Variants in IGSF11 observed in about 807,000 individuals in gnomAD.
IGSF11 encodes the protein CXADR like 1.
In IGSF11, 22 loss-of-function variants were observed where a neutral mutation model predicts 41.0. The ratio of observed to expected loss-of-function variants is 0.54; its 90% CI spans 0.38 to 0.77. IGSF11 has a LOEUF of 0.77. Among genes scored for constraint, IGSF11 ranks in the 30% least tolerant of loss-of-function variants. The pLI is 0.00. For missense variants in IGSF11, 444 were observed against 530.8 expected (o/e 0.84, Z 1.61); for synonymous variants, 219 against 201.3 (o/e 1.09, Z -0.74).
At chr3:118,913,163 C>T (rs551626827) in intron 4 of IGSF11, among the ~76,000 whole-genome samples, 6 of 149,572 alleles carry the variant, frequency 4.0e-5, no homozygotes, top group African/African-American at 9.8e-5. Context: ...AAGACATTTA[C>T]GGATAAGCAA....
At chr3:118,955,267 C>T (rs1391295996) in intron 1 of IGSF11, among the ~76,000 whole-genome samples, 1 of 151,086 alleles carries the variant, frequency 6.6e-6, no homozygotes, top group Admixed American at 6.6e-5. Context: ...CACACACACA[C>T]CATGGAATAC....
intron 1 of IGSF11, among the ~76,000 whole-genome samples, chr3:119,087,375 C>T (rs1289683435): frequency 2.1e-5 from 1 of 48,110 alleles, no homozygotes; most frequent in East Asian, 5.7e-4. Flanking sequence ...AAATGTTATA[C>T]ACACACACAC....
chr3:118,969,567 G>C (rs577208947), intron 1 of IGSF11, among the ~76,000 whole-genome samples: 29 of 152,270 alleles, frequency 1.9e-4, no homozygotes, highest in African/African-American at 6.3e-4. Context: ...CAAGATTAGA[G>C]AGGCTTCACT....
intron 1 of IGSF11, among the ~76,000 whole-genome samples, chr3:119,138,845 G>A (rs878982146): frequency 6.6e-6 from 1 of 152,214 alleles, no homozygotes. Flanking sequence ...GAGCTAGAGA[G>A]TAGAAGGATG....
upstream of IGSF11, among the ~76,000 whole-genome samples, chr3:119,038,787 G>A (rs891215580): frequency 8.5e-5 from 13 of 152,078 alleles, no homozygotes; most frequent in Admixed American, 8.5e-4. Context: ...TTATATTGGG[G>A]TATAGGAAGT....
At chr3:119,064,510 T>C (rs1942158230) in intron 1 of IGSF11, among the ~76,000 whole-genome samples, 1 of 129,308 alleles carries the variant, frequency 7.7e-6, no homozygotes. Context: ...CCTTGGCTGC[T>C]CTTTTTTTTT....
chr3:118,952,089 T>C (rs2107583709), intron 1 of IGSF11, among the ~76,000 whole-genome samples: 1 of 152,304 alleles, frequency 6.6e-6, no homozygotes, highest in East Asian at 1.9e-4. Context: ...CACTATACTG[T>C]AGTCTATTAA....
At position 118,996,568 on chromosome 3, in the gene IGSF11, C is replaced by T. The variant is rs546866555; in HGVS notation, c.52+37963G>A. 4.3e-4 allele frequency among the ~76,000 whole-genome samples: 66 copies of T among 152,118 alleles called. 1 individual carries two copies. Among genetic ancestry groups the T allele is most frequent in the African/African-American group, 1.1e-3 (46 of 41,524 alleles). On this transcript the variant is annotated intron_variant, in intron 1 of 6. Transcript: ENST00000393775. ...AACCCTTCCGTGGATTCCCATTGCA[C>T]TTTAAAGACAAAGAACATGTCTTGT...
At chr3:118,946,584 T>C (rs139701572) in intron 1 of IGSF11, among the ~76,000 whole-genome samples, 23 of 152,316 alleles carry the variant, frequency 1.5e-4, no homozygotes, top group Non-Finnish European at 2.9e-4. Context: ...ATAGTAGTCA[T>C]GTTATAGGAT....
chr3:118,925,206 C>T (rs910363164), intron 4 of IGSF11, among the ~76,000 whole-genome samples: 8 of 152,160 alleles, frequency 5.3e-5, no homozygotes, highest in South Asian at 2.1e-4. Context: ...AGGCTTGTGG[C>T]GCTGGCTCTT....
intron 1 of IGSF11, among the ~76,000 whole-genome samples, chr3:119,113,629 G>A (rs1220936896): frequency 6.6e-6 from 1 of 152,202 alleles, no homozygotes; most frequent in Admixed American, 6.5e-5. Flanking sequence ...AGGCTAGGGT[G>A]GAGTGCCTGC....
At chr3:119,084,585 G>A (rs1166275993) in intron 1 of IGSF11, among the ~76,000 whole-genome samples, 8 of 152,146 alleles carry the variant, frequency 5.3e-5, no homozygotes, top group African/African-American at 1.7e-4. Context: ...CTAATCACCA[G>A]GAAGAAAGCA....
chr3:119,046,458 G>T (rs911083071), intron 1 of IGSF11, among the ~76,000 whole-genome samples: 1 of 152,090 alleles, frequency 6.6e-6, no homozygotes, highest in Non-Finnish European at 1.5e-5. Flanking sequence ...AGAATAAAAA[G>T]AAATGAGCAA....
At chr3:119,050,150 G>T (rs1020608795) in intron 1 of IGSF11, among the ~76,000 whole-genome samples, 1 of 150,486 alleles carries the variant, frequency 6.6e-6, no homozygotes, top group African/African-American at 2.4e-5. Flanking sequence ...TTGACAAATG[G>T]GACCTAATTA....
intron 1 of IGSF11, among the ~76,000 whole-genome samples, chr3:119,102,878 G>C (rs2076959627): frequency 6.6e-6 from 1 of 151,758 alleles, no homozygotes; most frequent in Non-Finnish European, 1.5e-5. Context: ...AAGTCCCTCT[G>C]TGGTCTTAGT....
intron 1 of IGSF11, among the ~76,000 whole-genome samples, chr3:118,944,457 T>TACACACACACACACACACAC (rs3079206): frequency 1.4e-4 from 17 of 125,812 alleles, no homozygotes; most frequent in African/African-American, 4.9e-4. Flanking sequence ...TAGCTTGAAA[T>TACACACACACACACACACAC]ACACACACAC....
chr3:118,930,429 G>A (rs1217979546), intron 1 of IGSF11, among the ~76,000 whole-genome samples, 154 bp from the exon 2 acceptor site: 1 of 152,184 alleles, frequency 6.6e-6, no homozygotes, highest in African/African-American at 2.4e-5. Context: ...CAGTCACTGA[G>A]TCAAAATAAT....
At chr3:119,109,346 A>T (rs1034313723), upstream of IGSF11, among the ~76,000 whole-genome samples, 1 of 151,664 alleles carries the variant, frequency 6.6e-6, no homozygotes, top group Non-Finnish European at 1.5e-5. Context: ...GAATTTATCC[A>T]TTTCTTCTAG....
At chr3:118,921,383 G>C (rs914816335) in intron 4 of IGSF11, among the ~76,000 whole-genome samples, 4 of 152,114 alleles carry the variant, frequency 2.6e-5, no homozygotes, top group African/African-American at 7.2e-5. Context: ...CAAAATCTGA[G>C]TTTAGCAAGA....
Sources: allele counts gnomAD v4.1 joint callset (sites outside exome capture counted in the v4.1 genomes callset), GRCh38; gene constraint gnomAD v4.1.1; transcripts MANE v1.5; gene names NCBI Gene and HGNC (gene_info 2026-07-23, HGNC 2026-07-21).